Variants in PPFIA2 observed in about 807,000 individuals in gnomAD.
PPFIA2 encodes the protein PPFI scaffold protein A2.
Under a neutral mutation model 175.5 loss-of-function variants are expected in PPFIA2, and 46 were observed. The ratio of observed to expected loss-of-function variants is 0.26; its 90% CI spans 0.21 to 0.34. The LOEUF (loss-of-function observed/expected upper bound fraction) is 0.34. PPFIA2 is among the 10% of genes least tolerant of loss of function. The pLI is 1.00. For synonymous variants in PPFIA2, 568 were observed against 511.4 expected, an observed-to-expected ratio of 1.11 and a Z score of -1.49; for missense variants, 1,179 against 1,506.1, an observed-to-expected ratio of 0.78 and a Z score of 3.60.
At chr12:81,621,013 C>A (rs953225246) in intron 4 of PPFIA2, among the ~76,000 whole-genome samples, 2 of 152,112 alleles carry the variant, frequency 1.3e-5, no homozygotes, top group African/African-American at 4.8e-5. Flanking sequence ...AAATTGTCTT[C>A]ATAAAGTTTA....
chr12:81,440,076 A>C (rs778135709), intron 6 of PPFIA2, 30 bp from the exon 7 acceptor site: 7 of 1,470,126 alleles, frequency 4.8e-6, no homozygotes, highest in South Asian at 1.2e-5. Flanking sequence ...ATGTGCAGTA[A>C]TGTACATCCC....
At chr12:81,643,752 T>C (rs1336064059) in intron 4 of PPFIA2, among the ~76,000 whole-genome samples, 1 of 152,014 alleles carries the variant, frequency 6.6e-6, no homozygotes. Context: ...AATTTCATTA[T>C]AAAATATTTT....
chr12:81,326,421 A>G (rs1296633363), intron 21 of PPFIA2, among the ~76,000 whole-genome samples: 1 of 152,074 alleles, frequency 6.6e-6, no homozygotes, highest in Non-Finnish European at 1.5e-5. Context: ...GCTGACTCCT[A>G]TGTCCTTCAC....
rs2074068698 is a variant in PPFIA2 at position 81,579,364 on chromosome 12, G to T, written c.303+97427C>A. 1.3e-5 allele frequency among the ~76,000 whole-genome samples: 2 copies of T among 151,754 alleles called. 1 individual carries two copies. The highest frequency in any genetic ancestry group is 4.1e-4 in the South Asian group (2 of 4,832). On this transcript the variant is annotated intron_variant, in intron 4 of 32. Coordinates refer to ENST00000549396, the MANE Select transcript of PPFIA2 (RefSeq NM_003625.5). ...TTTTAAAAAACTAATCACATTTATT[G>T]TAGTGGATAATTTAAAGCTTTTGTT... is the stretch of plus-strand genomic sequence containing the variant.
intron 4 of PPFIA2, among the ~76,000 whole-genome samples, chr12:81,468,335 G>A (rs1046796294): frequency 6.6e-6 from 1 of 152,066 alleles, no homozygotes; most frequent in African/African-American, 2.4e-5. Flanking sequence ...ATTAAAACTC[G>A]ACATTCTAAG....
At chr12:81,636,882 A>C (rs1305150419) in intron 4 of PPFIA2, among the ~76,000 whole-genome samples, 3 of 151,516 alleles carry the variant, frequency 2.0e-5, no homozygotes, top group Non-Finnish European at 4.4e-5. Flanking sequence ...CAAACTCCTG[A>C]CCTCAAGTGA....
chr12:81,661,742 A>AT (rs1177897930), intron 4 of PPFIA2, among the ~76,000 whole-genome samples: 2 of 152,182 alleles, frequency 1.3e-5, no homozygotes, highest in Non-Finnish European at 2.9e-5. Context: ...TAAACAGTTT[A>AT]TACATTCTTC....
intron 4 of PPFIA2, among the ~76,000 whole-genome samples, chr12:81,504,118 C>A (rs2060884252): frequency 6.6e-6 from 1 of 151,776 alleles, no homozygotes; most frequent in Non-Finnish European, 1.5e-5. Flanking sequence ...TTAGGTATTT[C>A]CCATATATTT....
At chr12:81,632,091 T>A (rs1489786990) in intron 4 of PPFIA2, among the ~76,000 whole-genome samples, 1 of 152,222 alleles carries the variant, frequency 6.6e-6, no homozygotes, top group Non-Finnish European at 1.5e-5. Flanking sequence ...ATACTTCTTA[T>A]CAAAATACAA....
At chr12:81,551,020 T>C (rs1242603733) in intron 4 of PPFIA2, among the ~76,000 whole-genome samples, 7 of 151,940 alleles carry the variant, frequency 4.6e-5, no homozygotes, top group South Asian at 2.1e-4. Flanking sequence ...AAAATAGTTA[T>C]TGAATTTGGC....
At chr12:81,276,710 GT>G (rs1331015946) in intron 28 of PPFIA2, among the ~76,000 whole-genome samples, 1 of 152,060 alleles carries the variant, frequency 6.6e-6, no homozygotes, top group East Asian at 1.9e-4. Context: ...GCAATATGGA[GT>G]GTCTTTTCTT....
intron 8 of PPFIA2, among the ~76,000 whole-genome samples, chr12:81,395,204 T>C (rs917485110): frequency 3.3e-5 from 5 of 151,908 alleles, no homozygotes; most frequent in Admixed American, 1.3e-4. Flanking sequence ...AGGAAAAACA[T>C]ATAAAGGAGA....
intron 4 of PPFIA2, among the ~76,000 whole-genome samples, chr12:81,659,285 G>A (rs557645137): frequency 1.2e-4 from 19 of 152,254 alleles, no homozygotes; most frequent in African/African-American, 2.9e-4. Flanking sequence ...CCCGGGAAGC[G>A]CAAGGGGTCA....
intron 4 of PPFIA2, among the ~76,000 whole-genome samples, chr12:81,579,720 C>T (rs1471557610): frequency 6.6e-6 from 1 of 151,808 alleles, no homozygotes; most frequent in African/African-American, 2.4e-5. Flanking sequence ...TGAAGGAAGG[C>T]TCTGTGAATA....
chr12:81,580,452 C>T (rs994469126), intron 4 of PPFIA2, among the ~76,000 whole-genome samples: 9 of 151,450 alleles, frequency 5.9e-5, no homozygotes, highest in African/African-American at 1.9e-4. Flanking sequence ...TTGAATAGCA[C>T]GGTATGGTTG....
rs559242819 is a variant in PPFIA2 at position 81,606,583 on chromosome 12, T to C, written c.303+70208A>G. On this transcript the variant is annotated intron_variant, in intron 4 of 32. Transcript: ENST00000549396. ...CTCTGATGCTTAGTGATGTTCAGTA[T>C]TTTTTATGTTTGCTGGCCACTTGAA... Among the ~76,000 whole-genome samples the C allele has an allele frequency of 1.4e-3, 216 of 152,226 alleles. 1 individual carries two copies. The highest frequency in any genetic ancestry group is 4.9e-3 in the African/African-American group (203 of 41,548).
In PPFIA2 at chr12:81,263,234, C is replaced by T. The variant is rs1356724376; in HGVS notation, c.3712G>A (p.Asp1238Asn). Residue 1238 changes from aspartate (D) to asparagine (N), a missense_variant, in exon 31 of 33, where the codon GAT (aspartate) becomes AAT (asparagine). Physicochemically the swap from Asp to Asn is conservative, Grantham distance 23. This residue lies in a region of PPFIA2 where 245 missense variants were observed against 375.1 expected (regional missense o/e 0.65). Coordinates refer to ENST00000549396, the MANE Select transcript of PPFIA2 (RefSeq NM_003625.5). ...TSGQSRKMTT[D>N]VASSRLQRLD... ...CAGCAATGCAAAACTACTGTACCAT[C>T]TGTTGTCATTTTTCTTGACTGCCCA... The T allele has an allele frequency of 1.2e-6, 2 of 1,604,838 alleles. No homozygotes were observed. Among genetic ancestry groups the T allele is most frequent in the Non-Finnish European group, 1.7e-6 (2 of 1,174,358 alleles).
At chr12:81,658,934 T>G (rs2068273767) in intron 4 of PPFIA2, among the ~76,000 whole-genome samples, 1 of 152,222 alleles carries the variant, frequency 6.6e-6, no homozygotes, top group Non-Finnish European at 1.5e-5. Context: ...TATATTGCAC[T>G]TTAAATAATT....
intron 22 of PPFIA2, among the ~76,000 whole-genome samples, chr12:81,323,878 A>T (rs1010803383): frequency 3.3e-5 from 5 of 152,036 alleles, no homozygotes; most frequent in East Asian, 1.9e-4. Flanking sequence ...GGCTATTGCT[A>T]TGGGATAATC....
Sources: allele counts gnomAD v4.1 joint callset (sites outside exome capture counted in the v4.1 genomes callset), GRCh38; gene constraint gnomAD v4.1.1; regional missense constraint gnomAD v4.1.1; transcripts MANE v1.5; gene names NCBI Gene and HGNC (gene_info 2026-07-23, HGNC 2026-07-21).